ASIP: variants seen among roughly 807,000 people sequenced by gnomAD.
ASIP encodes agouti signaling protein.
In ASIP, 11 loss-of-function variants were observed where a neutral mutation model predicts 10.3. That is an observed-to-expected ratio of 1.07 (90% CI 0.68 to 1.78). The LOEUF (loss-of-function observed/expected upper bound fraction) is 1.78. ASIP is among the 40% of genes most tolerant of loss of function. ASIP has a pLI of 0.00. For synonymous variants in ASIP, 70 were observed against 70.8 expected (o/e 0.99, Z 0.06); for missense variants, 180 against 169.2 (o/e 1.06, Z -0.35).
At position 34,260,472 on chromosome 20, in the gene ASIP, A is replaced by T; in HGVS notation, c.98A>T (p.Asp33Val). ...HLPPEEKLRD[D>V]RSLRSNSSVN... ...CCACCTGAGGAGAAGCTCCGAGATGACAGGAGCCTGAGAAGCAACTCCTCT... is the reference window on the plus strand; with the variant it reads ...CCACCTGAGGAGAAGCTCCGAGATGTCAGGAGCCTGAGAAGCAACTCCTCT... Residue 33 changes from aspartate (D) to valine (V), a missense_variant, in exon 2 of 4, where the codon GAC (aspartate) becomes GTC (valine). By Grantham distance (152) the Asp-to-Val change is radical. Transcript: ENST00000374954. 1 of 1,614,092 alleles carries T rather than the reference A, an allele frequency of 6.2e-7. No homozygotes were observed. The highest frequency in any genetic ancestry group is 1.3e-5 in the African/African-American group (1 of 75,044).
intron 1 of ASIP, chr20:34,216,009 G>A: frequency 1.4e-6 from 1 of 697,542 alleles, no homozygotes; most frequent in Non-Finnish European, 2.6e-6. Flanking sequence ...GAACTCCATG[G>A]TCAGCCAGCG....
In ASIP at chr20:34,249,417, G is replaced by A. The variant is rs1000256337; in HGVS notation, c.-11+7928G>A. Among the ~76,000 whole-genome samples the A allele has an allele frequency of 8.6e-5, 13 of 151,094 alleles. No homozygotes were observed. In the South Asian group the frequency reaches 1.5e-3, roughly 17 times the overall value. ...CAGTCTCATTATTATATGACTTACT[G>A]CTGAAACTTTACTGAGTGTAATGTA... On this transcript the variant is annotated intron_variant, in intron 1 of 3. Transcript: ENST00000374954.
At chr20:34,221,319 G>C (rs1227287195) in intron 1 of ASIP, among the ~76,000 whole-genome samples, 2 of 151,848 alleles carry the variant, frequency 1.3e-5, no homozygotes, top group South Asian at 4.2e-4. Flanking sequence ...CGGAGCTTAA[G>C]GTGAGCCGAG....
chr20:34,203,210 T>C (rs533407230), intron 1 of ASIP, among the ~76,000 whole-genome samples: 2 of 152,298 alleles, frequency 1.3e-5, no homozygotes, highest in Admixed American at 6.5e-5. Context: ...TGTCCATCAA[T>C]TAATATGAAA....
chr20:34,231,769 A>AG (rs895740695), intron 1 of ASIP, among the ~76,000 whole-genome samples: 1 of 152,262 alleles, frequency 6.6e-6, no homozygotes, highest in African/African-American at 2.4e-5. Context: ...TAAGCTCATT[A>AG]GGGAAATACA....
intron 1 of ASIP, among the ~76,000 whole-genome samples, chr20:34,202,801 CTT>C (rs34156089): frequency 8.4e-4 from 48 of 57,266 alleles, no homozygotes; most frequent in African/African-American, 3.8e-3. Flanking sequence ...CTTGGCTATT[CTT>C]TTTTTTTTTT....
At chr20:34,250,019 C>T (rs540364666) in intron 1 of ASIP, 1 of 152,442 alleles carries the variant, frequency 6.6e-6, no homozygotes, top group African/African-American at 2.4e-5. Context: ...CTGCTGAAGT[C>T]TGCAGTTGCT....
intron 1 of ASIP, among the ~76,000 whole-genome samples, chr20:34,208,453 C>A (rs2034952223): frequency 6.6e-6 from 1 of 152,120 alleles, no homozygotes; most frequent in East Asian, 1.9e-4. Flanking sequence ...CTCCTGGGCC[C>A]AATTAATCCT....
At chr20:34,211,962 A>G (rs1390567167) in intron 1 of ASIP, among the ~76,000 whole-genome samples, 2 of 152,182 alleles carry the variant, frequency 1.3e-5, no homozygotes, top group African/African-American at 2.4e-5. Flanking sequence ...GTACATTCTC[A>G]GTAATTATCT....
chr20:34,235,836 A>G (rs35625422), intron 1 of ASIP, among the ~76,000 whole-genome samples: 1,766 of 63,692 alleles, frequency 0.028, 190 homozygotes, highest in African/African-American at 0.18. Flanking sequence ...AAAGAAAGAA[A>G]GAAAGAAGGA....
chr20:34,222,381 G>A (rs947598484), intron 1 of ASIP, among the ~76,000 whole-genome samples: 1 of 151,988 alleles, frequency 6.6e-6, no homozygotes, highest in Non-Finnish European at 1.5e-5. Context: ...TGTGGTTTAG[G>A]GCTCCAGAGC....
At chr20:34,197,316 G>A (rs1327594830) in intron 1 of ASIP, among the ~76,000 whole-genome samples, 1 of 152,114 alleles carries the variant, frequency 6.6e-6, no homozygotes, top group Non-Finnish European at 1.5e-5. Context: ...AGCAGAGATC[G>A]TGCCACTGCA....
Position 34,215,352 on chromosome 20 carries a change from A to G in ASIP, c.-11+20592A>G, listed in dbSNP as rs2035000474. 2.5e-5 allele frequency: 39 copies of G among 1,573,826 alleles called. 1 individual carries two copies. In the South Asian group the frequency reaches 4.3e-4, roughly 18 times the overall value. On this transcript the variant is annotated intron_variant, in intron 1 of 3. Coordinates refer to the ASIP transcript ENST00000568305. The stretch of plus-strand genomic sequence containing the variant: ...GGTACCATGATTCCACCAGATTTGG[A>G]ATGCACTGTTCCCTCATGGTATCTT...
chr20:34,217,162 G>T (rs553225645), intron 1 of ASIP, among the ~76,000 whole-genome samples: 1 of 152,130 alleles, frequency 6.6e-6, no homozygotes, highest in Non-Finnish European at 1.5e-5. Context: ...GAGAGGCTGC[G>T]CGCGGTGGCT....
upstream of ASIP, among the ~76,000 whole-genome samples, chr20:34,237,792 A>G (rs1352321116): frequency 2.0e-5 from 3 of 152,024 alleles, no homozygotes; most frequent in African/African-American, 7.2e-5. Context: ...TGGGTTTTTC[A>G]TATATGGCTT....
chr20:34,215,908 T>C (rs1399390575), intron 1 of ASIP: 2 of 870,490 alleles, frequency 2.3e-6, no homozygotes, highest in Admixed American at 1.7e-5. Flanking sequence ...CTGCTATACT[T>C]GGAGTTTTCT....
intron 1 of ASIP, among the ~76,000 whole-genome samples, chr20:34,201,736 G>A (rs767280652): frequency 2.6e-5 from 4 of 152,132 alleles, no homozygotes; most frequent in Admixed American, 1.3e-4. Context: ...ATTCTTTGCC[G>A]CAAGGCTGAT....
At chr20:34,241,812 T>A (rs1311643725) in intron 1 of ASIP, among the ~76,000 whole-genome samples, 1 of 152,222 alleles carries the variant, frequency 6.6e-6, no homozygotes, top group Non-Finnish European at 1.5e-5. Context: ...ACTTTAATGC[T>A]TCTTTAAATG....
the ASIP span, among the ~76,000 whole-genome samples, chr20:34,186,916 C>T: frequency 2.0e-5 from 3 of 152,062 alleles, no homozygotes; most frequent in South Asian, 2.1e-4. Flanking sequence ...TGGGTTCAAG[C>T]GATTCTCCTG....
Sources: allele counts gnomAD v4.1 joint callset (sites outside exome capture counted in the v4.1 genomes callset), GRCh38; gene constraint gnomAD v4.1.1; transcripts MANE v1.5; gene names NCBI Gene and HGNC (gene_info 2026-07-23, HGNC 2026-07-21).